NCKAP5: variants seen among roughly 807,000 people sequenced by gnomAD.
NCKAP5 encodes NCK associated protein 5.
Under a neutral mutation model 167.0 loss-of-function variants are expected in NCKAP5, and 92 were observed. That is an observed-to-expected ratio of 0.55 (90% CI 0.47 to 0.66). NCKAP5 has a LOEUF of 0.66. NCKAP5 is among the 30% of genes least tolerant of loss of function. The pLI, the probability that NCKAP5 is intolerant of heterozygous loss-of-function variation, is 0.00. For missense variants in NCKAP5, 2,378 were observed against 2,315.0 expected (o/e 1.03, Z -0.56); for synonymous variants, 891 against 877.4 (o/e 1.02, Z -0.27).
chr2:133,303,695 A>G (rs1680569849), intron 3 of NCKAP5, among the ~76,000 whole-genome samples: 2 of 150,352 alleles, frequency 1.3e-5, no homozygotes, highest in Non-Finnish European at 2.9e-5. Context: ...CCTGAAAGGT[A>G]TGGTGTATTC....
At chr2:133,300,322 C>T (rs1574641157) in intron 4 of NCKAP5, among the ~76,000 whole-genome samples, 1 of 132,988 alleles carries the variant, frequency 7.5e-6, no homozygotes, top group Non-Finnish European at 1.6e-5. Flanking sequence ...AGAGACACAA[C>T]CAAAAAAGAG....
At chr2:133,078,626 A>G (rs1457541879) in intron 6 of NCKAP5, among the ~76,000 whole-genome samples, 1 of 152,150 alleles carries the variant, frequency 6.6e-6, no homozygotes, top group African/African-American at 2.4e-5. Flanking sequence ...CCTCACCAAG[A>G]CAAGGAGAAT....
chr2:133,433,577 G>A (rs1690293160), intron 3 of NCKAP5: 2 of 152,118 alleles, frequency 1.3e-5, no homozygotes, highest in Admixed American at 1.3e-4. Flanking sequence ...CAGTTTTACA[G>A]GCCAATAAAT....
chr2:133,647,526 G>GGAAA, the NCKAP5 span, among the ~76,000 whole-genome samples: 1 of 116,414 alleles, frequency 8.6e-6, no homozygotes, highest in Admixed American at 8.6e-5. Context: ...GGAAAGGAAA[G>GGAAA]GAAAGGAAAG....
At chr2:132,947,987 G>C (rs778225928) in intron 8 of NCKAP5, among the ~76,000 whole-genome samples, 54 of 152,222 alleles carry the variant, frequency 3.5e-4, no homozygotes, top group Admixed American at 1.1e-3. Context: ...GAGATGAATG[G>C]GGGATTGCGA....
intron 3 of NCKAP5, among the ~76,000 whole-genome samples, chr2:133,328,340 G>A (rs1682597711): frequency 6.6e-6 from 1 of 152,222 alleles, no homozygotes; most frequent in Non-Finnish European, 1.5e-5. Flanking sequence ...GCAGAATATA[G>A]AGAGAGTTGA....
At chr2:133,048,166 G>T (rs35099382) in intron 6 of NCKAP5, among the ~76,000 whole-genome samples, 10,525 of 152,186 alleles carry the variant, frequency 0.069, 710 homozygotes, top group East Asian at 0.37. Context: ...ATAACCAATT[G>T]CCCTGTAAGC....
At chr2:132,872,540 G>C (rs907770555) in intron 9 of NCKAP5, among the ~76,000 whole-genome samples, 4 of 152,184 alleles carry the variant, frequency 2.6e-5, no homozygotes, top group Non-Finnish European at 4.4e-5. Context: ...TATTCAGAGA[G>C]GGAGCCAATT....
chr2:133,470,921 T>C (rs1019467156), intron 3 of NCKAP5, among the ~76,000 whole-genome samples: 15 of 152,226 alleles, frequency 9.9e-5, no homozygotes, highest in Admixed American at 2.0e-4. Context: ...TGGCACTCCC[T>C]AGTGAGATGA....
intron 6 of NCKAP5, among the ~76,000 whole-genome samples, chr2:133,056,574 T>C (rs1307078111): frequency 6.6e-6 from 1 of 152,194 alleles, no homozygotes; most frequent in East Asian, 1.9e-4. Context: ...AAATGCTAAA[T>C]AAAGCTAGAT....
intron 5 of NCKAP5, among the ~76,000 whole-genome samples, chr2:133,179,914 A>G (rs2084655999): frequency 6.6e-6 from 1 of 151,892 alleles, no homozygotes; most frequent in Non-Finnish European, 1.5e-5. Context: ...AAGAGACTGA[A>G]AAAGAATTCA....
At chr2:133,152,486 T>C (rs191551517) in intron 5 of NCKAP5, among the ~76,000 whole-genome samples, 489 of 152,342 alleles carry the variant, frequency 3.2e-3, no homozygotes, top group Middle Eastern at 0.01. Flanking sequence ...AATCTGTCTT[T>C]GGTTGCAGAA....
rs545002585 is a variant in NCKAP5, at chr2:132,872,178, G to A, written c.649-3204C>T. Among the ~76,000 whole-genome samples the A allele has an allele frequency of 3.9e-5, 6 of 152,352 alleles. No individual in the cohort carries two copies. In the South Asian group the frequency reaches 1.2e-3, roughly 32 times the overall value. Reference sequence around the variant, plus strand: ...CTGGCAGTCCTTAAGCCACTAGCTTGTAGTACAGCCTTCCTTAGGCTGTCC... The same window carrying A: ...CTGGCAGTCCTTAAGCCACTAGCTTATAGTACAGCCTTCCTTAGGCTGTCC... On this transcript the variant is annotated intron_variant, in intron 9 of 19. Transcript: ENST00000409261.
chr2:133,535,575 G>GT (rs1685697175), intron 2 of NCKAP5, among the ~76,000 whole-genome samples: 1 of 151,862 alleles, frequency 6.6e-6, no homozygotes, highest in Non-Finnish European at 1.5e-5. Context: ...GGACACTTAG[G>GT]TTGATTCCAT....
chr2:133,314,297 C>T (rs139561178), intron 3 of NCKAP5, among the ~76,000 whole-genome samples: 6 of 152,242 alleles, frequency 3.9e-5, no homozygotes, highest in East Asian at 1.9e-4. Context: ...AATTGGGTTA[C>T]GGCATCAAGT....
chr2:132,905,260 T>C (rs114259604), intron 8 of NCKAP5, among the ~76,000 whole-genome samples: 145 of 152,322 alleles, frequency 9.5e-4, no homozygotes, highest in African/African-American at 3.4e-3. Flanking sequence ...TTTACAACTA[T>C]TAAACTGTTA....
intron 15 of NCKAP5, among the ~76,000 whole-genome samples, chr2:132,778,301 C>T (rs1181031477): frequency 6.6e-6 from 1 of 151,892 alleles, no homozygotes; most frequent in Admixed American, 6.6e-5. Flanking sequence ...CTAATTAAGG[C>T]TCTGAAATAA....
At chr2:133,174,747 T>C (rs1220579645) in intron 5 of NCKAP5, among the ~76,000 whole-genome samples, 1 of 151,092 alleles carries the variant, frequency 6.6e-6, no homozygotes, top group Non-Finnish European at 1.5e-5. Context: ...GAATCAACCA[T>C]TTCTCCAAAG....
chr2:133,584,989 GGAA>G, the NCKAP5 span, among the ~76,000 whole-genome samples: 1 of 143,132 alleles, frequency 7.0e-6, no homozygotes, highest in African/African-American at 2.6e-5. Flanking sequence ...AAGGAAGGAA[GGAA>G]GGAGGGAAAG....
Sources: allele counts gnomAD v4.1 joint callset (sites outside exome capture counted in the v4.1 genomes callset), GRCh38; gene constraint gnomAD v4.1.1; transcripts MANE v1.5; gene names NCBI Gene and HGNC (gene_info 2026-07-23, HGNC 2026-07-21).